The following SMARCA2 variants were observed in gnomAD, a reference collection of about 807,000 sequenced individuals.
SMARCA2 encodes the protein SWI/SNF-related matrix-associated actin-dependent regulator of chromatin subfamily A member 2.
SMARCA2 carries 61 observed loss-of-function variants against 199.8 expected under a neutral mutation model. The ratio of observed to expected loss-of-function variants is 0.31; its 90% confidence interval spans 0.25 to 0.38. SMARCA2 has a LOEUF of 0.38. Among genes scored for constraint, SMARCA2 ranks in the 10% least tolerant of loss-of-function variants. The pLI is 1.00. For missense variants in SMARCA2, 1,344 were observed against 2,012.2 expected (o/e 0.67, Z 6.35); for synonymous variants, 935 against 732.0 (o/e 1.28, Z -4.48).
intron 28 of SMARCA2, among the ~76,000 whole-genome samples, chr9:2,165,877 T>C (rs1825907682): frequency 6.6e-6 from 1 of 152,186 alleles, no homozygotes; most frequent in African/African-American, 2.4e-5. Flanking sequence ...GATGTTTAGC[T>C]CTGCCTGGCC....
At chr9:2,095,335 C>T (rs7039469) in intron 19 of SMARCA2, among the ~76,000 whole-genome samples, 18,027 of 151,986 alleles carry the variant, frequency 0.12, 1,147 homozygotes, top group Admixed American at 0.15. Context: ...TCGCCCGCCT[C>T]GGCCTCCCAA....
intron 1 of SMARCA2, chr9:2,021,956 C>CCCCGAGATCACAGAGA (rs1408238859): frequency 1.3e-5 from 2 of 151,882 alleles, no homozygotes; most frequent in Non-Finnish European, 1.5e-5. Flanking sequence ...CAGAAGAAAG[C>CCCCGAGATCACAGAGA]CCCGAGATCA....
intron 27 of SMARCA2, among the ~76,000 whole-genome samples, chr9:2,133,574 C>T (rs1007420507): frequency 4.0e-5 from 6 of 151,346 alleles, no homozygotes; most frequent in Non-Finnish European, 7.4e-5. Flanking sequence ...TGAGCCACCG[C>T]GCCTGGCCAG....
At position 2,056,722 on chromosome 9, in the gene SMARCA2, G is replaced by A. The variant is rs761727722; in HGVS notation, c.1224G>A (p.Thr408=). ...ACMRRDTTLE[T]ALNSKAYKRS... is the part of the protein sequence containing the mutation. ...TGCGCAGGGACACGACCCTGGAGAC[G>A]GCTCTCAACTCCAAAGCATACAAAC... The change falls in exon 7 of 34, where the codon ACG becomes ACA. Residue 408 remains threonine, a synonymous_variant. Transcript: ENST00000349721. The surrounding 1 kb of genome is among the most constrained non-coding windows in gnomAD (Gnocchi z 4.0). 5.1e-5 allele frequency: 82 copies of A among 1,614,042 alleles called. No homozygotes were observed. In the South Asian group the frequency reaches 7.7e-4, roughly 15 times the overall value.
At chr9:2,182,836 G>C (rs1827152633) in intron 31 of SMARCA2, among the ~76,000 whole-genome samples, 1 of 151,856 alleles carries the variant, frequency 6.6e-6, no homozygotes, top group Non-Finnish European at 1.5e-5. Flanking sequence ...TCTCGCCCAG[G>C]CTGGAGTGCA....
chr9:2,121,798 G>A (rs193108846), intron 26 of SMARCA2, among the ~76,000 whole-genome samples: 517 of 152,198 alleles, frequency 3.4e-3, no homozygotes, highest in Middle Eastern at 0.01. Context: ...AATTACTTAG[G>A]AATTTTACCA....
chr9:2,187,980 G>A lies in SMARCA2; in HGVS notation c.4594+1752G>A, dbSNP rs189463105. 9.9e-5 allele frequency among the ~76,000 whole-genome samples: 15 copies of A among 151,954 alleles called. No homozygotes were observed. The South Asian group carries it at 1.9e-3, about 19-fold the overall frequency. ...ATTTATGTGTGGAAAAAAAGGTAAC[G>A]TCTCAAAATATTACATGTATGTAGA... On this transcript the variant is annotated intron_variant, in intron 32 of 33. Transcript: ENST00000349721.
In SMARCA2 at chr9:2,161,953, T is replaced by C. The variant is rs947894730; in HGVS notation, c.4199+50T>C. On this transcript the variant is annotated intron_variant, in intron 28 of 33. Coordinates refer to ENST00000349721, the MANE Select transcript of SMARCA2 (RefSeq NM_003070.5). This position sits in a 1 kb window ranked among gnomAD's most constrained non-coding sequence, Gnocchi z 4.7. Reference sequence around the variant, plus strand: ...GATCATCTCTCACCAAGACGCCGAGTGGCGCTCCCTGAGGAGCAGGAGTTG... The same window carrying C: ...GATCATCTCTCACCAAGACGCCGAGCGGCGCTCCCTGAGGAGCAGGAGTTG... 1.4e-6 allele frequency: 2 copies of C among 1,465,394 alleles called. No individual in the cohort carries two copies. Among genetic ancestry groups the C allele is most frequent in the East Asian group, 2.3e-5 (1 of 43,878 alleles). The allele number at this position is 1,465,394 out of a possible 1,614,324, so 90.8% of individuals were successfully genotyped here.
At chr9:2,079,355 T>C (rs1821464700) in intron 14 of SMARCA2, among the ~76,000 whole-genome samples, 1 of 152,242 alleles carries the variant, frequency 6.6e-6, no homozygotes, top group African/African-American at 2.4e-5. Context: ...GAATACACTT[T>C]AGGAAGTGTA....
In SMARCA2 at chr9:2,056,092, A is replaced by G. The variant is rs1820341855; in HGVS notation, c.1174-580A>G. 6.6e-6 allele frequency among the ~76,000 whole-genome samples: 1 copy of G among 152,248 alleles called. No individual in the cohort carries two copies. Among genetic ancestry groups the G allele is most frequent in the African/African-American group, 2.4e-5 (1 of 41,458 alleles). On this transcript the variant is annotated intron_variant, in intron 6 of 33. Transcript: ENST00000349721. This position sits in a 1 kb window ranked among gnomAD's most constrained non-coding sequence, Gnocchi z 4.0. The stretch of plus-strand genomic sequence containing the variant: ...AAAAGTATTACATTTGTGATCTGAA[A>G]TAAGTTCATGATATAATATAAAATG...
intron 31 of SMARCA2, among the ~76,000 whole-genome samples, chr9:2,182,548 C>T (rs1827121074): frequency 7.5e-6 from 1 of 133,642 alleles, no homozygotes; most frequent in African/African-American, 2.7e-5. Flanking sequence ...GGCTGGAGTG[C>T]AGTGGTGCCT....
chr9:2,159,826 CT>C, intron 27 of SMARCA2: 1 of 1,611,490 alleles, frequency 6.2e-7, no homozygotes, highest in East Asian at 2.2e-5. Context: ...GATGAAGAGA[CT>C]AGCAGCTCGC....
chr9:2,088,364 T>G, intron 18 of SMARCA2, 136 bp from the exon 19 acceptor site: 1 of 940,224 alleles, frequency 1.1e-6, no homozygotes, highest in Non-Finnish European at 1.5e-6. Flanking sequence ...GAGGTAGATA[T>G]GACAGGCTTA....
intron 17 of SMARCA2, 52 bp downstream of exon 17, chr9:2,084,248 T>A: frequency 1.1e-6 from 1 of 913,398 alleles, no homozygotes; most frequent in South Asian, 1.4e-5. Context: ...TGCACTGGAA[T>A]GTGAAGTATT....
At chr9:2,062,046 T>A (rs1003650383) in intron 9 of SMARCA2, among the ~76,000 whole-genome samples, 1 of 152,106 alleles carries the variant, frequency 6.6e-6, no homozygotes, top group Non-Finnish European at 1.5e-5. Flanking sequence ...AAACTCCAGC[T>A]CCAATTCCTA....
intron 27 of SMARCA2, among the ~76,000 whole-genome samples, chr9:2,155,720 CTTTTTTTTTTTTTTTTTTTTTTTTTTT>C (rs59156319): frequency 1.9e-5 from 1 of 53,152 alleles, no homozygotes; most frequent in Non-Finnish European, 3.5e-5. Flanking sequence ...AAGAGAAAAC[CTTTTTTTTTTTTTTTTTTTTTTTTTTT>C]TTTTTTTTTT....
chr9:2,163,457 A>T (rs1405208990), intron 28 of SMARCA2, among the ~76,000 whole-genome samples: 1 of 152,160 alleles, frequency 6.6e-6, no homozygotes, highest in African/African-American at 2.4e-5. Flanking sequence ...CTTCCTTGTA[A>T]ACCATGAATC....
chr9:2,048,592 A>G (rs753530070), intron 5 of SMARCA2, among the ~76,000 whole-genome samples: 1 of 152,256 alleles, frequency 6.6e-6, no homozygotes, highest in Non-Finnish European at 1.5e-5. Context: ...ATTTCTTATC[A>G]GACTAAAATA....
At chr9:2,171,163 A>G (rs768797039) in intron 29 of SMARCA2, among the ~76,000 whole-genome samples, 1 of 152,166 alleles carries the variant, frequency 6.6e-6, no homozygotes, top group Non-Finnish European at 1.5e-5. Flanking sequence ...GGAGAGATGG[A>G]TGTGCATGAT....
Sources: allele counts gnomAD v4.1 joint callset (sites outside exome capture counted in the v4.1 genomes callset), GRCh38; gene constraint gnomAD v4.1.1; non-coding constraint Gnocchi (gnomAD v3.1); transcripts MANE v1.5; gene names NCBI Gene and HGNC (gene_info 2026-07-23, HGNC 2026-07-21).